Variants in ARHGEF3 observed in about 807,000 individuals in gnomAD.
ARHGEF3 encodes Rho guanine nucleotide exchange factor 3.
A neutral mutation model predicts 63.2 loss-of-function variants in ARHGEF3; 28 were observed. That is an observed-to-expected ratio of 0.44 (90% CI 0.33 to 0.61). The LOEUF (loss-of-function observed/expected upper bound fraction) is 0.61, where lower values mean the gene tolerates loss of function less well. Among genes scored for constraint, ARHGEF3 ranks in the 20% least tolerant of loss-of-function variants. The pLI is 0.03. For missense variants in ARHGEF3, 533 were observed against 659.3 expected (o/e 0.81, Z 2.10); for synonymous variants, 266 against 254.2 (o/e 1.05, Z -0.44).
intron 2 of ARHGEF3, among the ~76,000 whole-genome samples, chr3:57,015,285 ACCTT>A (rs1284277626): frequency 1.1e-4 from 17 of 151,764 alleles, no homozygotes; most frequent in Non-Finnish European, 2.5e-4. Context: ...CTACCTCTAA[ACCTT>A]CCCTCACAAC....
chr3:56,751,592 TG>T (rs1481615039), intron 4 of ARHGEF3, among the ~76,000 whole-genome samples, 196 bp from the exon 5 acceptor site: 1 of 152,240 alleles, frequency 6.6e-6, no homozygotes, highest in African/African-American at 2.4e-5. Context: ...TAAGCCTTTG[TG>T]GTTGATAAAC....
In ARHGEF3 at chr3:56,870,910, CAATA is replaced by C. The variant is rs372848961; in HGVS notation, c.192+11378_192+11381del. 5.9e-4 allele frequency among the ~76,000 whole-genome samples: 90 copies of C among 152,022 alleles called. 2 individuals are homozygous for C. The South Asian group carries it at 0.017, about 28-fold the overall frequency. ...ATATACTATCTCTTCTCACAGCAAT[CAATA>C]AATAAATAAAATCTATTTAAAAGGG... On this transcript the variant is annotated intron_variant, in intron 4 of 12. Transcript: ENST00000338458.
chr3:56,959,223 T>A (rs1297934776), intron 2 of ARHGEF3, among the ~76,000 whole-genome samples: 1 of 152,196 alleles, frequency 6.6e-6, no homozygotes, highest in African/African-American at 2.4e-5. Context: ...AATTCCCACA[T>A]GGACACTATC....
At chr3:56,796,837 T>C (rs2037394810) in intron 1 of ARHGEF3, among the ~76,000 whole-genome samples, 1 of 152,168 alleles carries the variant, frequency 6.6e-6, no homozygotes, top group African/African-American at 2.4e-5. Context: ...CTGTTTCTTC[T>C]TCTACAAAAC....
intron 2 of ARHGEF3, among the ~76,000 whole-genome samples, chr3:56,974,638 A>C (rs1421966167): frequency 1.3e-5 from 2 of 152,144 alleles, no homozygotes; most frequent in African/African-American, 4.8e-5. Context: ...TTGCTTTTAA[A>C]AGCAAAGGGA....
chr3:56,992,641 A>G (rs1701809912), intron 2 of ARHGEF3, among the ~76,000 whole-genome samples: 1 of 151,940 alleles, frequency 6.6e-6, no homozygotes, highest in Non-Finnish European at 1.5e-5. Flanking sequence ...ACTGGACTCC[A>G]CCCCAGGCAC....
At chr3:56,803,052 T>C (rs2037731258), upstream of ARHGEF3, among the ~76,000 whole-genome samples, 1 of 152,130 alleles carries the variant, frequency 6.6e-6, no homozygotes. Flanking sequence ...CCAAAGAATA[T>C]CATATATTTT....
At chr3:56,870,623 G>T (rs1173517124) in intron 4 of ARHGEF3, among the ~76,000 whole-genome samples, 2 of 152,102 alleles carry the variant, frequency 1.3e-5, no homozygotes, top group Admixed American at 1.3e-4. Context: ...ATAAACTTTG[G>T]TTGAAAGATG....
intron 2 of ARHGEF3, among the ~76,000 whole-genome samples, chr3:56,968,163 T>TTTA (rs1553794280): frequency 3.5e-5 from 1 of 28,822 alleles, no homozygotes; most frequent in Non-Finnish European, 6.1e-5. Context: ...AAAATATATA[T>TTTA]TATATAATAT....
intron 7 of ARHGEF3, among the ~76,000 whole-genome samples, chr3:56,739,335 A>G (rs1027359940): frequency 1.1e-4 from 16 of 151,858 alleles, no homozygotes; most frequent in African/African-American, 3.9e-4. Flanking sequence ...AGAAGTTATC[A>G]TGTCTTAAAA....
chr3:57,014,852 T>C (rs1560134955), intron 2 of ARHGEF3, among the ~76,000 whole-genome samples: 1 of 152,076 alleles, frequency 6.6e-6, no homozygotes, highest in Non-Finnish European at 1.5e-5. Flanking sequence ...GGCTAATTTA[T>C]TTTTTTGTAT....
At chr3:56,794,488 C>CAAAAAAAAAAAAAAAAAAA (rs10557985) in intron 1 of ARHGEF3, among the ~76,000 whole-genome samples, 5 of 116,914 alleles carry the variant, frequency 4.3e-5, no homozygotes, top group African/African-American at 1.6e-4. Context: ...GACTCTATCT[C>CAAAAAAAAAAAAAAAAAAA]AAAAAAAAAA....
chr3:56,968,381 C>T (rs529284684), intron 2 of ARHGEF3, among the ~76,000 whole-genome samples: 6 of 111,222 alleles, frequency 5.4e-5, no homozygotes, highest in African/African-American at 2.0e-4. Context: ...CTCCGTTGCC[C>T]AGGCTGGAAA....
chr3:56,874,927 G>A (rs1000524185), intron 4 of ARHGEF3, among the ~76,000 whole-genome samples: 9 of 152,286 alleles, frequency 5.9e-5, no homozygotes, highest in Admixed American at 4.6e-4. Flanking sequence ...CCGTACCACT[G>A]TGAGAATTTA....
chr3:56,890,476 T>C (rs1320639589), intron 3 of ARHGEF3, among the ~76,000 whole-genome samples: 1 of 152,264 alleles, frequency 6.6e-6, no homozygotes, highest in South Asian at 2.1e-4. Context: ...CCGTAATTAC[T>C]ATTACTACTG....
intron 3 of ARHGEF3, among the ~76,000 whole-genome samples, chr3:56,887,738 A>G (rs1173387737): frequency 6.6e-6 from 1 of 152,204 alleles, no homozygotes; most frequent in Non-Finnish European, 1.5e-5. Context: ...ACTGAAGCAA[A>G]GGCACAGTCC....
intron 3 of ARHGEF3, among the ~76,000 whole-genome samples, chr3:56,895,256 T>A (rs2041260743): frequency 6.6e-6 from 1 of 152,140 alleles, no homozygotes; most frequent in Admixed American, 6.5e-5. Flanking sequence ...CTACGGACTA[T>A]CGCCAAGAGC....
chr3:57,010,504 T>C (rs1702653366), intron 2 of ARHGEF3, among the ~76,000 whole-genome samples: 1 of 150,736 alleles, frequency 6.6e-6, no homozygotes, highest in African/African-American at 2.4e-5. Context: ...ACATGTGCAC[T>C]CCTCTATATG....
intron 1 of ARHGEF3, among the ~76,000 whole-genome samples, chr3:57,078,338 C>G (rs1706306679): frequency 6.6e-6 from 1 of 152,200 alleles, no homozygotes; most frequent in African/African-American, 2.4e-5. Flanking sequence ...TGGCAGTTCT[C>G]GCGTCCTCGC....
Sources: allele counts gnomAD v4.1 joint callset (sites outside exome capture counted in the v4.1 genomes callset), GRCh38; gene constraint gnomAD v4.1.1; transcripts MANE v1.5; gene names NCBI Gene and HGNC (gene_info 2026-07-23, HGNC 2026-07-21).